LRRC7: variants seen among roughly 807,000 people sequenced by gnomAD.
LRRC7 encodes leucine rich repeat containing 7, also known as leucine-rich repeat-containing protein 7.
In LRRC7, 23 loss-of-function variants were observed where a neutral mutation model predicts 175.7. The ratio of observed to expected loss-of-function variants is 0.13; its 90% CI spans 0.09 to 0.19. LRRC7 has a LOEUF of 0.19. Ranked by LOEUF, LRRC7 falls within the 10% of genes least tolerant of loss-of-function variation. The pLI is 1.00. For synonymous variants in LRRC7, 685 were observed against 680.9 expected (o/e 1.01, Z -0.09); for missense variants, 1,354 against 1,904.7 (o/e 0.71, Z 5.38).
chr1:69,808,132 T>C (rs1231406113), intron 4 of LRRC7, among the ~76,000 whole-genome samples: 4 of 151,794 alleles, frequency 2.6e-5, no homozygotes, highest in Non-Finnish European at 4.4e-5. Context: ...TCTCATGCTG[T>C]GTTTTTAAGC....
chr1:69,947,114 A>T (rs1346774860), intron 8 of LRRC7, among the ~76,000 whole-genome samples: 2 of 145,370 alleles, frequency 1.4e-5, no homozygotes. Context: ...TCTCAAAATA[A>T]ATAAATAAAT....
intron 2 of LRRC7, among the ~76,000 whole-genome samples, chr1:69,695,000 C>T (rs142587212): frequency 3.9e-4 from 60 of 152,244 alleles, no homozygotes; most frequent in African/African-American, 1.4e-3. Flanking sequence ...TATAAATATA[C>T]GTTCGGAACT....
At chr1:69,939,029 ATCTATATATATC>A (rs869090385) in intron 8 of LRRC7, among the ~76,000 whole-genome samples, 31 of 121,332 alleles carry the variant, frequency 2.6e-4, no homozygotes, top group African/African-American at 7.0e-4. Flanking sequence ...ATATATATAT[ATCTATATATATC>A]TATATCTATC....
At chr1:70,002,645 T>C (rs1655640758) in intron 11 of LRRC7, among the ~76,000 whole-genome samples, 1 of 152,158 alleles carries the variant, frequency 6.6e-6, no homozygotes. Flanking sequence ...TAGACTTTGG[T>C]TTTGATCCTG....
At chr1:69,637,964 C>T (rs1653655586) in intron 1 of LRRC7, among the ~76,000 whole-genome samples, 1 of 151,626 alleles carries the variant, frequency 6.6e-6, no homozygotes, top group Non-Finnish European at 1.5e-5. Flanking sequence ...GATTTTAAGG[C>T]CAGTTTTGCA....
chr1:69,790,682 A>C (rs555001318), intron 3 of LRRC7, among the ~76,000 whole-genome samples: 1 of 152,066 alleles, frequency 6.6e-6, no homozygotes, highest in East Asian at 1.9e-4. Context: ...AGTATAAATT[A>C]ACTTATACCA....
At chr1:69,912,841 GTTA>G (rs1646573761) in intron 7 of LRRC7, among the ~76,000 whole-genome samples, 1 of 152,132 alleles carries the variant, frequency 6.6e-6, no homozygotes, top group Non-Finnish European at 1.5e-5. Context: ...GCCAGTTGCT[GTTA>G]TTAAGGTACA....
intron 18 of LRRC7, among the ~76,000 whole-genome samples, chr1:70,028,943 G>T (rs1658414444): frequency 6.6e-6 from 1 of 152,082 alleles, no homozygotes; most frequent in African/African-American, 2.4e-5. Context: ...GGTCTGAAAA[G>T]AATTCAACTA....
intron 23 of LRRC7, among the ~76,000 whole-genome samples, chr1:70,058,073 G>A (rs1012638617): frequency 2.7e-5 from 4 of 145,660 alleles, no homozygotes; most frequent in Admixed American, 1.4e-4. Flanking sequence ...GCAATGGTGT[G>A]ATCTCGGCTC....
chr1:70,095,835 A>T (rs1426234787), intron 25 of LRRC7, among the ~76,000 whole-genome samples: 3 of 152,218 alleles, frequency 2.0e-5, no homozygotes, highest in African/African-American at 7.2e-5. Flanking sequence ...AAGCACTTAA[A>T]ATTAGCTTAT....
intron 24 of LRRC7, among the ~76,000 whole-genome samples, chr1:70,078,845 C>T (rs1439983122): frequency 1.3e-5 from 2 of 151,666 alleles, no homozygotes; most frequent in East Asian, 1.9e-4. Flanking sequence ...CACACACACA[C>T]ACACACACTC....
intron 3 of LRRC7, among the ~76,000 whole-genome samples, chr1:69,781,312 G>A (rs924803082): frequency 1.2e-4 from 19 of 152,126 alleles, no homozygotes; most frequent in Admixed American, 2.0e-4. Context: ...GCCTGTGAGA[G>A]ACTGTTGTCA....
chr1:69,767,140 T>A (rs1671711362), intron 3 of LRRC7, among the ~76,000 whole-genome samples: 1 of 152,190 alleles, frequency 6.6e-6, no homozygotes, highest in Non-Finnish European at 1.5e-5. Context: ...GGTCCTTTTG[T>A]GACTGTCTTT....
At chr1:69,901,369 G>A (rs1646129941) in intron 7 of LRRC7, among the ~76,000 whole-genome samples, 3 of 152,172 alleles carry the variant, frequency 2.0e-5, no homozygotes, top group Non-Finnish European at 4.4e-5. Context: ...AAAGTCTACT[G>A]GGAGCATAGT....
At chr1:69,777,169 T>C (rs544146098) in intron 3 of LRRC7, among the ~76,000 whole-genome samples, 1 of 152,176 alleles carries the variant, frequency 6.6e-6, no homozygotes, top group East Asian at 1.9e-4. Flanking sequence ...ACCCTAACAC[T>C]TGGGAGGAAT....
intron 3 of LRRC7, among the ~76,000 whole-genome samples, chr1:69,773,948 G>C (rs935667837): frequency 6.6e-6 from 1 of 152,146 alleles, no homozygotes; most frequent in African/African-American, 2.4e-5. Flanking sequence ...GAGCCCAAGA[G>C]TTCAAGACTG....
chr1:69,969,210 A>G (rs944467160), intron 8 of LRRC7, among the ~76,000 whole-genome samples: 1 of 152,196 alleles, frequency 6.6e-6, no homozygotes, highest in African/African-American at 2.4e-5. Flanking sequence ...AAACAAAAAT[A>G]CAATTTAAAA....
rs141606062 is a variant in LRRC7 at position 70,078,792 on chromosome 1, ACGCG to A, written c.4452+2510_4452+2513del. Among the ~76,000 whole-genome samples the A allele has an allele frequency of 6.5e-3, 953 of 146,646 alleles. 14 individuals carry two copies. The highest frequency in any genetic ancestry group is 0.022 in the African/African-American group (849 of 39,004). On this transcript the variant is annotated intron_variant, in intron 24 of 26. Transcript: ENST00000651989. ...AGTCAAATAATACAGTTCTACATAT[ACGCG>A]CGCGCGCGCGCGCGCACACACACAC...
intron 7 of LRRC7, among the ~76,000 whole-genome samples, chr1:69,867,398 C>T (rs572859288): frequency 4.6e-5 from 7 of 152,132 alleles, no homozygotes; most frequent in Admixed American, 3.3e-4. Context: ...TAACATTATA[C>T]ATAAGGTACC....
Sources: gnomAD v4.1 joint callset for allele counts (sites outside exome capture counted in the v4.1 genomes callset) on GRCh38, gnomAD v4.1.1 for gene constraint, MANE v1.5 for transcripts, NCBI Gene and HGNC (gene_info 2026-07-23, HGNC 2026-07-21) for gene names.